ASIC2: variants seen among roughly 807,000 people sequenced by gnomAD.
The protein encoded by ASIC2 is acid-sensing ion channel 2.
Under a neutral mutation model 57.3 loss-of-function variants are expected in ASIC2, and 25 were observed. The ratio of observed to expected loss-of-function variants is 0.44; its 90% CI spans 0.32 to 0.61. The LOEUF (loss-of-function observed/expected upper bound fraction) is 0.61. Among genes scored for constraint, ASIC2 ranks in the 20% least tolerant of loss-of-function variants. The pLI is 0.06. For missense variants in ASIC2, 641 were observed against 738.1 expected (o/e 0.87, Z 1.52); for synonymous variants, 319 against 307.5 (o/e 1.04, Z -0.39).
intron 1 of ASIC2, among the ~76,000 whole-genome samples, chr17:33,633,285 G>C (rs1382826908): frequency 6.6e-6 from 1 of 152,210 alleles, no homozygotes; most frequent in African/African-American, 2.4e-5. Context: ...TTCCCCACCT[G>C]TGGGGTGCAA....
chr17:33,970,538 G>T (rs1036348265), intron 1 of ASIC2, among the ~76,000 whole-genome samples: 2 of 152,202 alleles, frequency 1.3e-5, no homozygotes, highest in African/African-American at 2.4e-5. Context: ...TATGGGAACC[G>T]CAAAAGACAG....
intron 1 of ASIC2, among the ~76,000 whole-genome samples, chr17:33,120,908 G>A (rs1354150673): frequency 6.6e-6 from 1 of 152,172 alleles, no homozygotes; most frequent in Non-Finnish European, 1.5e-5. Flanking sequence ...TGGAATTGGG[G>A]ACCAGGCAGC....
chr17:33,163,057 C>T lies in ASIC2; in HGVS notation c.709-50990G>A, dbSNP rs138421123. On this transcript the variant is annotated intron_variant, in intron 1 of 9. Coordinates refer to ENST00000225823, the MANE Select transcript of ASIC2 (RefSeq NM_183377.2). ...GACAAAGAAGCAAGTCAGACACAGT[C>T]CTGTCCCCAGGGTGCTCATTCTGGT... Among the ~76,000 whole-genome samples the T allele has an allele frequency of 5.2e-3, 799 of 152,302 alleles. 6 individuals carry two copies. Among genetic ancestry groups the T allele is most frequent in the African/African-American group, 0.018 (756 of 41,572 alleles).
chr17:33,821,403 A>T (rs1171806670), intron 1 of ASIC2, among the ~76,000 whole-genome samples: 1 of 152,130 alleles, frequency 6.6e-6, no homozygotes, highest in African/African-American at 2.4e-5. Context: ...TGTTGAGTCT[A>T]TGCACACCTC....
intron 1 of ASIC2, among the ~76,000 whole-genome samples, chr17:33,200,490 A>T (rs394886): frequency 0.046 from 6,950 of 152,282 alleles, 191 homozygotes; most frequent in Middle Eastern, 0.11. Context: ...GATCCTTCCC[A>T]AACCGGCTCC....
intron 1 of ASIC2, among the ~76,000 whole-genome samples, chr17:33,419,833 G>A (rs558489921): frequency 2.6e-4 from 40 of 152,090 alleles, no homozygotes; most frequent in African/African-American, 8.9e-4. Flanking sequence ...GGTTCATCTA[G>A]TCGTGTTGAT....
At chr17:33,750,225 G>A (rs559633263) in intron 1 of ASIC2, among the ~76,000 whole-genome samples, 83 of 152,228 alleles carry the variant, frequency 5.5e-4, no homozygotes, top group South Asian at 2.3e-3. Context: ...GACCCAGAGA[G>A]CCCTTGTCCC....
intron 1 of ASIC2, among the ~76,000 whole-genome samples, chr17:33,912,445 G>A (rs1465179313): frequency 1.3e-5 from 2 of 151,964 alleles, no homozygotes; most frequent in Non-Finnish European, 2.9e-5. Flanking sequence ...TGGCGCCACT[G>A]CACTCCAGCC....
chr17:33,131,630 A>C (rs2092346389), intron 1 of ASIC2: 2 of 152,280 alleles, frequency 1.3e-5, no homozygotes, highest in South Asian at 4.1e-4. Context: ...AGACAGATGC[A>C]TGAGCTATGT....
intron 1 of ASIC2, among the ~76,000 whole-genome samples, chr17:33,385,758 T>C (rs754749845): frequency 1.3e-5 from 2 of 152,150 alleles, no homozygotes; most frequent in African/African-American, 2.4e-5. Context: ...GACAGATCCA[T>C]AGGCTGCAGA....
At position 33,315,163 on chromosome 17, in the gene ASIC2, A is replaced by G. The variant is rs556934521; in HGVS notation, c.556-203096T>C. ...CTACCTTGCATATTAGAGCAATTAA[A>G]TGTGATGTGGTATGTCACAACAGTG... On this transcript the variant is annotated intron_variant, in intron 1 of 9. Transcript: ENST00000359872. Among the ~76,000 whole-genome samples, 7 of 152,330 alleles carry G rather than the reference A, an allele frequency of 4.6e-5. No homozygotes were observed. The East Asian group carries it at 1.2e-3, about 25-fold the overall frequency.
At chr17:33,986,674 T>G (rs912459690) in intron 1 of ASIC2, among the ~76,000 whole-genome samples, 1 of 152,050 alleles carries the variant, frequency 6.6e-6, no homozygotes, top group African/African-American at 2.4e-5. Context: ...AGAAGAGGCA[T>G]AGGGTTTCAC....
chr17:33,749,964 G>C (rs1910379270), intron 1 of ASIC2, among the ~76,000 whole-genome samples: 1 of 152,166 alleles, frequency 6.6e-6, no homozygotes, highest in African/African-American at 2.4e-5. Flanking sequence ...TCTTCTGCCA[G>C]GCGGGACCTC....
At chr17:33,901,978 G>A (rs959268772) in intron 1 of ASIC2, among the ~76,000 whole-genome samples, 4 of 152,038 alleles carry the variant, frequency 2.6e-5, no homozygotes, top group Non-Finnish European at 5.9e-5. Context: ...TTTTTATTAC[G>A]TCTTCTAACA....
At chr17:33,110,623 G>A (rs1222221568) in intron 2 of ASIC2, among the ~76,000 whole-genome samples, 5 of 152,202 alleles carry the variant, frequency 3.3e-5, no homozygotes, top group Non-Finnish European at 5.9e-5. Flanking sequence ...TCCCTGCAAC[G>A]GGGTGTTCGT....
chr17:33,302,998 T>G (rs1906019622), intron 1 of ASIC2, among the ~76,000 whole-genome samples: 1 of 152,204 alleles, frequency 6.6e-6, no homozygotes, highest in Non-Finnish European at 1.5e-5. Context: ...AATCCCATAC[T>G]CTAACCATTC....
intron 1 of ASIC2, among the ~76,000 whole-genome samples, chr17:34,141,250 A>T (rs1042080776): frequency 6.6e-6 from 1 of 152,156 alleles, no homozygotes; most frequent in African/African-American, 2.4e-5. Flanking sequence ...GACAACTGGG[A>T]ATAAGGAGTG....
intron 1 of ASIC2, among the ~76,000 whole-genome samples, chr17:34,010,005 A>G (rs906695792): frequency 6.6e-6 from 1 of 152,182 alleles, no homozygotes; most frequent in Non-Finnish European, 1.5e-5. Flanking sequence ...CGGAAATGAA[A>G]TTCCCGCTGT....
At chr17:33,409,339 A>G (rs1910576082) in intron 1 of ASIC2, among the ~76,000 whole-genome samples, 1 of 152,196 alleles carries the variant, frequency 6.6e-6, no homozygotes, top group East Asian at 1.9e-4. Flanking sequence ...ATCAGCACAG[A>G]AACTGGAGTG....
Sources: allele counts gnomAD v4.1 joint callset (sites outside exome capture counted in the v4.1 genomes callset), GRCh38; gene constraint gnomAD v4.1.1; transcripts MANE v1.5; gene names NCBI Gene and HGNC (gene_info 2026-07-23, HGNC 2026-07-21).